Variants in ARIH1 observed in about 807,000 individuals in gnomAD.
The protein encoded by ARIH1 is E3 ubiquitin-protein ligase ARIH1.
In ARIH1, 8 loss-of-function variants were observed where a neutral mutation model predicts 85.0. The ratio of observed to expected loss-of-function variants is 0.09; its 90% CI spans 0.06 to 0.17. ARIH1 has a LOEUF of 0.17. Ranked by LOEUF, ARIH1 falls within the 10% of genes least tolerant of loss-of-function variation. ARIH1 has a pLI of 1.00. For synonymous variants in ARIH1, 238 were observed against 253.6 expected, an observed-to-expected ratio of 0.94 and a Z score of 0.59; for missense variants, 311 against 718.1, an observed-to-expected ratio of 0.43 and a Z score of 6.48.
chr15:72,474,471 C>A lies in ARIH1; in HGVS notation c.-169C>A. 1.1e-6 allele frequency: 1 copy of A among 888,562 alleles called. No homozygotes were observed. The highest frequency in any genetic ancestry group is 1.7e-5 in the South Asian group (1 of 58,022). 55.0% of individuals were successfully genotyped at this position (888,562 alleles called of 1,614,324 possible). Reference sequence around the variant, plus strand: ...CTCCTCCGCGCCCTCCCCGCCGCCACCAGCCGTCAAACGCCAACCGCCGCT... The same window carrying A: ...CTCCTCCGCGCCCTCCCCGCCGCCAACAGCCGTCAAACGCCAACCGCCGCT... On this transcript the variant is annotated 5_prime_UTR_variant, in exon 1 of 14. Coordinates refer to ENST00000379887, the MANE Select transcript of ARIH1 (RefSeq NM_005744.5).
At chr15:72,519,227 G>T (rs1481834069) in intron 2 of ARIH1, among the ~76,000 whole-genome samples, 1 of 151,840 alleles carries the variant, frequency 6.6e-6, no homozygotes, top group Non-Finnish European at 1.5e-5. Context: ...TTTCCCATTT[G>T]ATTTTAAAAT....
At chr15:72,534,875 A>C (rs2064074101) in intron 2 of ARIH1, among the ~76,000 whole-genome samples, 1 of 151,708 alleles carries the variant, frequency 6.6e-6, no homozygotes, top group Admixed American at 6.6e-5. Flanking sequence ...AGAATACTTC[A>C]TTCTGGGGTT....
chr15:72,528,996 C>T (rs558113313), intron 2 of ARIH1, among the ~76,000 whole-genome samples: 185 of 152,070 alleles, frequency 1.2e-3, no homozygotes, highest in Non-Finnish European at 2.0e-3. Context: ...GTCAGGAGAT[C>T]GAGACCATCC....
At chr15:72,490,694 A>T (rs892531650) in intron 1 of ARIH1, among the ~76,000 whole-genome samples, 1 of 151,964 alleles carries the variant, frequency 6.6e-6, no homozygotes, top group Admixed American at 6.6e-5. Flanking sequence ...CATCTTTATC[A>T]TTCATGACAA....
chr15:72,501,442 A>G (rs2063903059), intron 1 of ARIH1, among the ~76,000 whole-genome samples: 1 of 152,208 alleles, frequency 6.6e-6, no homozygotes, highest in Non-Finnish European at 1.5e-5. Context: ...TCAGAATCCC[A>G]CCACTTATCA....
chr15:72,494,970 T>C (rs560378374), intron 1 of ARIH1, among the ~76,000 whole-genome samples: 63 of 152,202 alleles, frequency 4.1e-4, no homozygotes, highest in Non-Finnish European at 7.8e-4. Flanking sequence ...AGTATTGTAA[T>C]TGTGTAGTTG....
At chr15:72,477,788 GA>G (rs555261793) in intron 1 of ARIH1, among the ~76,000 whole-genome samples, 27 of 149,122 alleles carry the variant, frequency 1.8e-4, no homozygotes, top group Admixed American at 4.0e-4. Context: ...AGCTTTTAAG[GA>G]AAAAAAAAAT....
At chr15:72,545,808 G>A (rs1183552988) in intron 3 of ARIH1, among the ~76,000 whole-genome samples, 3 of 152,222 alleles carry the variant, frequency 2.0e-5, no homozygotes, top group Non-Finnish European at 2.9e-5. Flanking sequence ...CAGCCTGGGC[G>A]ACAGAGTGAG....
intron 2 of ARIH1, among the ~76,000 whole-genome samples, chr15:72,520,911 A>C (rs1277421871): frequency 6.6e-6 from 1 of 151,734 alleles, no homozygotes; most frequent in Non-Finnish European, 1.5e-5. Context: ...TGGTGAGATC[A>C]TGGCTCACTA....
chr15:72,570,371 C>T, intron 10 of ARIH1, 64 bp downstream of exon 10: 1 of 1,584,752 alleles, frequency 6.3e-7, no homozygotes, highest in Non-Finnish European at 8.6e-7. Context: ...TTATGAATAA[C>T]ATTTCTACCT....
chr15:72,583,132 TA>T, intron 13 of ARIH1, 75 bp from the exon 14 acceptor site: 5 of 1,227,836 alleles, frequency 4.1e-6, no homozygotes, highest in Non-Finnish European at 5.8e-6. Context: ...AGGGATGCCT[TA>T]AAAATAAGTA....
chr15:72,572,203 A>T, intron 11 of ARIH1, 38 bp downstream of exon 11: 1 of 1,399,160 alleles, frequency 7.1e-7, no homozygotes, highest in Non-Finnish European at 1.0e-6. Context: ...TTGACTAAGA[A>T]TGCACGTTGT....
Position 72,529,178 on chromosome 15 carries a change from G to A in ARIH1, c.443+11044G>A, listed in dbSNP as rs553681475. Reference sequence around the variant, plus strand: ...TCCACCACTGCACTCCAGCCTGGGCGACAGAGCGAGACTCCGTCTCAAAAA... The same window carrying A: ...TCCACCACTGCACTCCAGCCTGGGCAACAGAGCGAGACTCCGTCTCAAAAA... On this transcript the variant is annotated intron_variant, in intron 2 of 13. Coordinates refer to ENST00000379887, the MANE Select transcript of ARIH1 (RefSeq NM_005744.5). Among the ~76,000 whole-genome samples the A allele has an allele frequency of 2.4e-3, 364 of 152,078 alleles. 3 individuals carry two copies. The highest frequency in any genetic ancestry group is 3.3e-3 in the Non-Finnish European group (227 of 67,978).
chr15:72,519,027 T>G (rs968248832), intron 2 of ARIH1, among the ~76,000 whole-genome samples: 1 of 152,154 alleles, frequency 6.6e-6, no homozygotes, highest in Non-Finnish European at 1.5e-5. Context: ...AGAATGACAG[T>G]ATTAATGTCA....
intron 1 of ARIH1, among the ~76,000 whole-genome samples, chr15:72,502,318 A>G (rs937250713): frequency 6.6e-6 from 1 of 152,250 alleles, no homozygotes. Context: ...CCCTCATAAA[A>G]TAAATGTGCA....
In ARIH1 at chr15:72,586,047, G is replaced by C. The variant is rs913867149; in HGVS notation, c.*2755G>C. On this transcript the variant is annotated 3_prime_UTR_variant, in exon 14 of 14. Transcript: ENST00000379887. ...TTTCAGTGATTTAAAATAAAATTTTGATCCAAAGCTCAGGACACAAACCAC... is the reference window on the plus strand; with the variant it reads ...TTTCAGTGATTTAAAATAAAATTTTCATCCAAAGCTCAGGACACAAACCAC... 2.0e-5 allele frequency: 3 copies of C among 152,106 alleles called. No homozygotes were observed. Among genetic ancestry groups the C allele is most frequent in the African/African-American group, 7.2e-5 (3 of 41,410 alleles). 9.4% of individuals were successfully genotyped at this position (152,106 alleles called of 1,614,324 possible).
In ARIH1 at chr15:72,528,571, C is replaced by T. The variant is rs570540266; in HGVS notation, c.443+10437C>T. ...AAATTTTTCCTGTTTAAACAATCCACGGCCGGGCACAGTGGCTCATGCCTG... is the reference window on the plus strand; with the variant it reads ...AAATTTTTCCTGTTTAAACAATCCATGGCCGGGCACAGTGGCTCATGCCTG... On this transcript the variant is annotated intron_variant, in intron 2 of 13. Transcript: ENST00000379887. Among the ~76,000 whole-genome samples, 11 of 152,290 alleles carry T rather than the reference C, an allele frequency of 7.2e-5. No homozygotes were observed. The East Asian group carries it at 1.4e-3, about 19-fold the overall frequency.
chr15:72,511,921 A>G (rs888255492), intron 1 of ARIH1, among the ~76,000 whole-genome samples: 1 of 151,448 alleles, frequency 6.6e-6, no homozygotes, highest in Non-Finnish European at 1.5e-5. Flanking sequence ...CTTTATTTAT[A>G]TCCTATCCTG....
chr15:72,601,109 G>A lies in ARIH1; in HGVS notation c.*17817G>A, dbSNP rs11634683. On this transcript the variant is annotated 3_prime_UTR_variant, in exon 14 of 14. Transcript: ENST00000379887. ...CCATATCCAATCATGTGTATTGGAG[G>A]TTTTTCCACCTCTAAACTTGAGAAC... The A allele has an allele frequency of 6.6e-6, 1 of 152,068 alleles. No individual in the cohort carries two copies. The allele number at this position is 152,068 out of a possible 1,614,324, so 9.4% of individuals were successfully genotyped here.
Sources: allele counts gnomAD v4.1 joint callset (sites outside exome capture counted in the v4.1 genomes callset), GRCh38; gene constraint gnomAD v4.1.1; transcripts MANE v1.5; gene names NCBI Gene and HGNC (gene_info 2026-07-23, HGNC 2026-07-21).